Variants in GDI2 observed in about 807,000 individuals in gnomAD.
The protein encoded by GDI2 is rab GDP dissociation inhibitor beta.
Under a neutral mutation model 54.2 loss-of-function variants are expected in GDI2, and 22 were observed. The ratio of observed to expected loss-of-function variants is 0.41; its 90% CI spans 0.29 to 0.58. The LOEUF (loss-of-function observed/expected upper bound fraction) is 0.58, where lower values mean the gene tolerates loss of function less well. GDI2 is among the 20% of genes least tolerant of loss of function. The pLI, the probability that GDI2 is intolerant of heterozygous loss-of-function variation, is 0.35. For synonymous variants in GDI2, 177 were observed against 182.1 expected, an observed-to-expected ratio of 0.97 and a Z score of 0.23; for missense variants, 422 against 546.0, an observed-to-expected ratio of 0.77 and a Z score of 2.26.
At chr10:5,794,072 G>A (rs1841076999) in intron 4 of GDI2, among the ~76,000 whole-genome samples, 1 of 150,646 alleles carries the variant, frequency 6.6e-6, no homozygotes, top group Non-Finnish European at 1.5e-5. Flanking sequence ...GCTGAGGCAG[G>A]AGAATCGCTT....
rs142786817 is a variant in GDI2 at position 5,807,727 on chromosome 10, G to A, written c.45+5487C>T. ...GTGTAGATATGTGGATGTGGGGCTG[G>A]GGGACAGAACCATCAGCGATACTGA... On this transcript the variant is annotated intron_variant, in intron 1 of 10. Transcript: ENST00000380191. Among the ~76,000 whole-genome samples, 14 of 150,534 alleles carry A rather than the reference G, an allele frequency of 9.3e-5. 1 individual carries two copies. The East Asian group carries it at 2.2e-3, about 23-fold the overall frequency.
intron 3 of GDI2, among the ~76,000 whole-genome samples, chr10:5,796,265 G>A (rs1588983507): frequency 6.6e-6 from 1 of 151,424 alleles, no homozygotes; most frequent in East Asian, 2.0e-4. Context: ...CAGGAGAATT[G>A]CTTGAACCAG....
intron 6 of GDI2, among the ~76,000 whole-genome samples, chr10:5,784,849 T>C (rs1840837592): frequency 6.6e-6 from 1 of 152,320 alleles, no homozygotes; most frequent in East Asian, 1.9e-4. Context: ...GTGAAGTAGA[T>C]TCTGTGAAGG....
intron 4 of GDI2, among the ~76,000 whole-genome samples, chr10:5,787,321 A>C (rs1840901354): frequency 6.6e-6 from 1 of 152,206 alleles, no homozygotes; most frequent in Admixed American, 6.6e-5. Flanking sequence ...CCTGACCAAC[A>C]TGGTGAAACC....
intron 7 of GDI2, among the ~76,000 whole-genome samples, chr10:5,770,064 C>G (rs1028956401): frequency 2.6e-5 from 4 of 152,170 alleles, no homozygotes; most frequent in African/African-American, 9.7e-5. Context: ...AAAGGAAATT[C>G]TGACACATGC....
At chr10:5,801,776 C>G (rs537615584) in intron 1 of GDI2, among the ~76,000 whole-genome samples, 1 of 152,168 alleles carries the variant, frequency 6.6e-6, no homozygotes, top group Non-Finnish European at 1.5e-5. Context: ...TTCGGGAGGC[C>G]GAGGTGGGTG....
rs1000654541 is a variant in GDI2 at position 5,781,481 on chromosome 10, C to A, written c.719+3661G>T. 4.0e-5 allele frequency among the ~76,000 whole-genome samples: 6 copies of A among 151,708 alleles called. No individual in the cohort carries two copies. In the East Asian group the frequency reaches 1.2e-3, roughly 29 times the overall value. ...TCTACTAAAAATACAAAAAATTAGC[C>A]GGGCGCGGTGGCAGGCGCCTGTAGT... is the stretch of plus-strand genomic sequence containing the variant. On this transcript the variant is annotated intron_variant, in intron 6 of 10. Transcript: ENST00000380191.
intron 1 of GDI2, among the ~76,000 whole-genome samples, chr10:5,810,838 CTTGA>C (rs139277736): frequency 0.034 from 5,154 of 152,236 alleles, 138 homozygotes; most frequent in Non-Finnish European, 0.05. Context: ...TTTGTATCTT[CTTGA>C]TTAAGATAAC....
At chr10:5,810,491 A>G (rs569370633) in intron 1 of GDI2, among the ~76,000 whole-genome samples, 128 of 152,370 alleles carry the variant, frequency 8.4e-4, no homozygotes, top group Middle Eastern at 6.8e-3. Flanking sequence ...AAAGTAAGAT[A>G]GAGGGAAAAA....
chr10:5,766,674 G>A lies in GDI2; in HGVS notation c.992-36C>T. Reference sequence around the variant, plus strand: ...ATGATACCAGCTCACTGCCTCAAGTGTCTCCATCTGGGACCCAACATACTC... The same window carrying A: ...ATGATACCAGCTCACTGCCTCAAGTATCTCCATCTGGGACCCAACATACTC... On this transcript the variant is annotated intron_variant, in intron 8 of 10. Transcript: ENST00000380191. The surrounding 1 kb of genome is among the most constrained non-coding windows in gnomAD (Gnocchi z 5.8). 6.3e-7 allele frequency: 1 copy of A among 1,588,750 alleles called. No homozygotes were observed. The highest frequency in any genetic ancestry group is 8.6e-7 in the Non-Finnish European group (1 of 1,157,316).
At position 5,794,827 on chromosome 10, in the gene GDI2, A is replaced by G; in HGVS notation, c.388+58T>C. The G allele has an allele frequency of 4.2e-6, 5 of 1,183,046 alleles. No individual in the cohort carries two copies. The Middle Eastern group carries it at 8.1e-4, about 193-fold the overall frequency. 73.3% of individuals were successfully genotyped at this position (1,183,046 alleles called of 1,614,324 possible). A position where few individuals can be genotyped will look rare whatever the true frequency, so the allele number is the denominator to read the frequency against. On this transcript the variant is annotated intron_variant, in intron 4 of 10. Coordinates refer to ENST00000380191, the MANE Select transcript of GDI2 (RefSeq NM_001494.4). Reference sequence around the variant, plus strand: ...CCTCTCTAAGACTCTTTTCCAGTATAAAATCTCATTATTCTGAGAAAATAA... The same window carrying G: ...CCTCTCTAAGACTCTTTTCCAGTATGAAATCTCATTATTCTGAGAAAATAA...
intron 1 of GDI2, 65 bp downstream of exon 1, chr10:5,813,148 CG>C: frequency 1.0e-6 from 1 of 963,380 alleles, no homozygotes; most frequent in African/African-American, 1.7e-5. Flanking sequence ...ACCCGCGGGC[CG>C]TGCAGGAGCC....
rs558387266 is a variant in GDI2 at position 5,785,902 on chromosome 10, T to C, written c.537A>G (p.Gln179=). The C allele has an allele frequency of 5.1e-5, 82 of 1,612,318 alleles. No homozygotes were observed. In the East Asian group the frequency reaches 1.7e-3, roughly 34 times the overall value. Residue 179 remains glutamine, a synonymous_variant, in exon 5 of 11, where the codon CAA becomes CAG. Coordinates refer to ENST00000380191, the MANE Select transcript of GDI2 (RefSeq NM_001494.4). ...CATGACCAGTAAAATCTATAACGTCTTGACCCAAATCAAATTTCTTATACA... is the reference window on the plus strand; with the variant it reads ...CATGACCAGTAAAATCTATAACGTCCTGACCCAAATCAAATTTCTTATACA... ...RDVYKKFDLG[Q]DVIDFTGHAL...
At chr10:5,787,350 C>G (rs1564393813) in intron 4 of GDI2, among the ~76,000 whole-genome samples, 1 of 152,044 alleles carries the variant, frequency 6.6e-6, no homozygotes, top group East Asian at 1.9e-4. Flanking sequence ...ACTAAAAATA[C>G]AAAATTAGCT....
At chr10:5,783,856 C>CTT (rs1238940197) in intron 6 of GDI2, among the ~76,000 whole-genome samples, 1 of 152,160 alleles carries the variant, frequency 6.6e-6, no homozygotes, top group African/African-American at 2.4e-5. Context: ...GCTTTTGACT[C>CTT]ACAGCTCTTA....
intron 6 of GDI2, among the ~76,000 whole-genome samples, chr10:5,781,341 A>G (rs191886547): frequency 6.6e-6 from 1 of 152,140 alleles, no homozygotes; most frequent in Non-Finnish European, 1.5e-5. Context: ...AGACTTCTAA[A>G]ATAGGGCCAG....
At chr10:5,800,886 T>C (rs1340050833) in intron 1 of GDI2, among the ~76,000 whole-genome samples, 181 bp from the exon 2 acceptor site, 1 of 152,184 alleles carries the variant, frequency 6.6e-6, no homozygotes, top group Non-Finnish European at 1.5e-5. Flanking sequence ...TGTGGGCTCC[T>C]ATGCATCCCA....
chr10:5,812,959 C>T (rs1009529226), intron 1 of GDI2, among the ~76,000 whole-genome samples: 31 of 152,326 alleles, frequency 2.0e-4, no homozygotes, highest in Non-Finnish European at 2.6e-4. Flanking sequence ...CCGGGCTCGG[C>T]CGTCACCCCG....
At chr10:5,793,371 T>A (rs191022624) in intron 4 of GDI2, among the ~76,000 whole-genome samples, 17 of 152,316 alleles carry the variant, frequency 1.1e-4, no homozygotes, top group African/African-American at 3.8e-4. Flanking sequence ...ATTTTCATAG[T>A]CATTTAAAAG....
Sources: allele counts gnomAD v4.1 joint callset (sites outside exome capture counted in the v4.1 genomes callset), GRCh38; gene constraint gnomAD v4.1.1; non-coding constraint Gnocchi (gnomAD v3.1); transcripts MANE v1.5; gene names NCBI Gene and HGNC (gene_info 2026-07-23, HGNC 2026-07-21).